Variants in SUPT20H observed in about 807,000 individuals in gnomAD.
SUPT20H encodes SPT20 homolog, SAGA complex component.
SUPT20H carries 82 observed loss-of-function variants against 122.8 expected under a neutral mutation model. The ratio of observed to expected loss-of-function variants is 0.67; its 90% CI spans 0.56 to 0.80. The LOEUF (loss-of-function observed/expected upper bound fraction) is 0.80. SUPT20H is among the 30% of genes least tolerant of loss of function. The probability of loss-of-function intolerance (pLI) is 0.00; values close to 1 mark genes in which losing one functional copy is unlikely to be tolerated. For synonymous variants in SUPT20H, 291 were observed against 313.0 expected (o/e 0.93, Z 0.74); for missense variants, 831 against 921.6 (o/e 0.90, Z 1.27).
At chr13:37,031,289 T>C (rs974328654) in intron 12 of SUPT20H, among the ~76,000 whole-genome samples, 1 of 152,090 alleles carries the variant, frequency 6.6e-6, no homozygotes, top group African/African-American at 2.4e-5. Context: ...ATTTTTCCAA[T>C]TTTAAAATTG....
intron 7 of SUPT20H, among the ~76,000 whole-genome samples, chr13:37,041,457 G>C (rs2065452390): frequency 6.6e-6 from 1 of 151,564 alleles, no homozygotes; most frequent in Non-Finnish European, 1.5e-5. Flanking sequence ...GGTGGGGCTT[G>C]CAGTGAGCCG....
At chr13:37,051,233 T>C (rs935648855) in intron 2 of SUPT20H, among the ~76,000 whole-genome samples, 1 of 152,206 alleles carries the variant, frequency 6.6e-6, no homozygotes, top group Admixed American at 6.5e-5. Flanking sequence ...GCAAAGTAGA[T>C]ATAGGTAAAT....
chr13:37,055,427 C>T (rs1440131891), intron 1 of SUPT20H, among the ~76,000 whole-genome samples: 1 of 152,098 alleles, frequency 6.6e-6, no homozygotes, highest in Non-Finnish European at 1.5e-5. Context: ...AGATATAGAC[C>T]AATGGAACAG....
At chr13:37,052,334 C>T (rs554774022) in intron 1 of SUPT20H, among the ~76,000 whole-genome samples, 1 of 151,996 alleles carries the variant, frequency 6.6e-6, no homozygotes, top group Non-Finnish European at 1.5e-5. Flanking sequence ...AACAGATATA[C>T]AGACCAACAG....
intron 4 of SUPT20H, 56 bp from the exon 5 acceptor site, chr13:37,047,657 C>T: frequency 7.7e-7 from 1 of 1,301,520 alleles, no homozygotes; most frequent in Non-Finnish European, 1.0e-6. Context: ...ATCATCATGA[C>T]ATGAATGTTA....
intron 7 of SUPT20H, among the ~76,000 whole-genome samples, chr13:37,042,790 C>T (rs2065739380): frequency 6.6e-6 from 1 of 152,098 alleles, no homozygotes; most frequent in Non-Finnish European, 1.5e-5. Flanking sequence ...AGTAGCGTGG[C>T]TGTCAAGAGT....
chr13:37,019,306 C>T (rs765954536), intron 22 of SUPT20H, 36 bp downstream of exon 22: 15 of 1,527,464 alleles, frequency 9.8e-6, no homozygotes, highest in Non-Finnish European at 1.2e-5. Flanking sequence ...AGTCAATGTA[C>T]AAAAAATTTA....
At chr13:37,025,670 A>G (rs2062129538) in intron 16 of SUPT20H, among the ~76,000 whole-genome samples, 2 of 152,218 alleles carry the variant, frequency 1.3e-5, no homozygotes, top group South Asian at 2.1e-4. Flanking sequence ...TATACTTTCA[A>G]TATCTTATTT....
chr13:37,033,920 G>C (rs547494655), intron 9 of SUPT20H, among the ~76,000 whole-genome samples: 18 of 152,284 alleles, frequency 1.2e-4, no homozygotes, highest in African/African-American at 4.3e-4. Context: ...TTGTGTCTGT[G>C]TCACATTTTG....
chr13:37,055,426 C>T (rs890309944), intron 1 of SUPT20H, among the ~76,000 whole-genome samples: 9 of 152,134 alleles, frequency 5.9e-5, no homozygotes, highest in African/African-American at 1.2e-4. Flanking sequence ...GAGATATAGA[C>T]CAATGGAACA....
intron 9 of SUPT20H, chr13:37,039,415 AAG>A (rs1007497307): frequency 9.9e-5 from 15 of 152,226 alleles, no homozygotes; most frequent in African/African-American, 3.4e-4. Flanking sequence ...CAGACAGATG[AAG>A]AGCAAAGATC....
At chr13:37,027,115 A>G (rs182428203) in intron 14 of SUPT20H, among the ~76,000 whole-genome samples, 1 of 152,174 alleles carries the variant, frequency 6.6e-6, no homozygotes, top group East Asian at 1.9e-4. Context: ...ATTTTTTTAA[A>G]TATAAGTAAT....
chr13:37,037,481 C>T (rs763593382), intron 9 of SUPT20H, among the ~76,000 whole-genome samples: 6 of 152,138 alleles, frequency 3.9e-5, no homozygotes, highest in Non-Finnish European at 7.4e-5. Context: ...TTGTAGAGCA[C>T]GGAATGGTCA....
chr13:37,018,555 C>G (rs1324309952), intron 22 of SUPT20H, among the ~76,000 whole-genome samples: 1 of 152,192 alleles, frequency 6.6e-6, no homozygotes, highest in African/African-American at 2.4e-5. Flanking sequence ...ATATCCAGAT[C>G]TTTATAGTCA....
At chr13:37,028,396 A>T in intron 13 of SUPT20H, 91 bp from the exon 14 acceptor site, 2 of 1,182,728 alleles carry the variant, frequency 1.7e-6, no homozygotes, top group Non-Finnish European at 2.4e-6. Context: ...ATACAGTAAC[A>T]TGTATCTGAC....
Position 37,009,337 on chromosome 13 carries a change from G to GTAT in SUPT20H, c.*332_*334dup. On this transcript the variant is annotated 3_prime_UTR_variant, in exon 26 of 26. Transcript: ENST00000350612. ...TTTTCAAAACAGATTTGTAAAAATT[G>GTAT]TATTTGTTAACACTGTGCACAAACG... 1 of 1,225,514 alleles carries GTAT rather than the reference G, an allele frequency of 8.2e-7. No individual in the cohort carries two copies. Among genetic ancestry groups the GTAT allele is most frequent in the Non-Finnish European group, 1.2e-6 (1 of 837,988 alleles). The allele number at this position is 1,225,514 out of a possible 1,614,324, so 75.9% of individuals were successfully genotyped here.
intron 2 of SUPT20H, among the ~76,000 whole-genome samples, chr13:37,049,259 A>C (rs2067134979): frequency 6.6e-6 from 1 of 152,228 alleles, no homozygotes; most frequent in Non-Finnish European, 1.5e-5. Context: ...AATATAAAAG[A>C]AAATGAACCT....
At position 37,024,380 on chromosome 13, in the gene SUPT20H, T is replaced by C. The variant is rs201044956; in HGVS notation, c.1392A>G (p.Pro464=). The C allele has an allele frequency of 1.2e-4, 195 of 1,593,752 alleles. No homozygotes were observed. Among genetic ancestry groups the C allele is most frequent in the Non-Finnish European group, 1.5e-4 (179 of 1,173,076 alleles). ...VLGKGVKHRP[P]PIKLPSSSGN... ...CTGAGCTTGAGGGAAGTTTGATTGGTGGGGGTCGATGTTTTACACCCTTCC... is the reference window on the plus strand; with the variant it reads ...CTGAGCTTGAGGGAAGTTTGATTGGCGGGGGTCGATGTTTTACACCCTTCC... Residue 464 remains proline (P), a synonymous_variant, in exon 18 of 26, where the codon CCA becomes CCG. Coordinates refer to ENST00000350612, the MANE Select transcript of SUPT20H (RefSeq NM_001014286.3).
chr13:37,049,968 C>G (rs913387379), intron 2 of SUPT20H, among the ~76,000 whole-genome samples: 2 of 152,096 alleles, frequency 1.3e-5, no homozygotes, highest in African/African-American at 4.8e-5. Flanking sequence ...GGTAAAAACT[C>G]CTACCACCCA....
Sources: gnomAD v4.1 joint callset for allele counts (sites outside exome capture counted in the v4.1 genomes callset) on GRCh38, gnomAD v4.1.1 for gene constraint, MANE v1.5 for transcripts, NCBI Gene and HGNC (gene_info 2026-07-23, HGNC 2026-07-21) for gene names.